LRP1B: variants seen among roughly 807,000 people sequenced by gnomAD.
LRP1B encodes LDL receptor related protein 1B.
In LRP1B, 217 loss-of-function variants were observed where a neutral mutation model predicts 556.6. That is an observed-to-expected ratio of 0.39 (90% CI 0.35 to 0.44). The LOEUF (loss-of-function observed/expected upper bound fraction) is 0.44, where lower values mean the gene tolerates loss of function less well. Among genes scored for constraint, LRP1B ranks in the 20% least tolerant of loss-of-function variants. The pLI is 1.00. For missense variants in LRP1B, 5,053 were observed against 5,620.8 expected (o/e 0.90, Z 3.23); for synonymous variants, 2,047 against 1,865.8 (o/e 1.10, Z -2.50).
At chr2:140,271,239 CTG>C (rs1432947365) in intron 85 of LRP1B, among the ~76,000 whole-genome samples, 2 of 151,954 alleles carry the variant, frequency 1.3e-5, no homozygotes, top group African/African-American at 4.8e-5. Flanking sequence ...GGGACCTACT[CTG>C]TGGGTCAAAA....
intron 2 of LRP1B, among the ~76,000 whole-genome samples, chr2:141,587,498 A>G (rs1400424630): frequency 1.3e-5 from 2 of 152,240 alleles, no homozygotes. Context: ...TACACCAAAT[A>G]GAGAGTGACT....
At chr2:140,837,204 G>T (rs1484675127) in intron 31 of LRP1B, among the ~76,000 whole-genome samples, 1 of 152,136 alleles carries the variant, frequency 6.6e-6, no homozygotes, top group African/African-American at 2.4e-5. Flanking sequence ...TATAAAAGAA[G>T]AGATTTTGTC....
chr2:142,003,841 A>G (rs924867091), intron 1 of LRP1B, among the ~76,000 whole-genome samples: 2 of 152,222 alleles, frequency 1.3e-5, no homozygotes, highest in Non-Finnish European at 2.9e-5. Flanking sequence ...TCTTATGAAC[A>G]TGGGCTCTGC....
At chr2:140,334,674 T>C in intron 78 of LRP1B, 115 bp from the exon 79 acceptor site, 1 of 543,150 alleles carries the variant, frequency 1.8e-6, no homozygotes, top group East Asian at 3.2e-5. Context: ...CCAGAGTCTC[T>C]TAAAAAGAGT....
At chr2:141,701,733 C>G (rs184277923) in intron 2 of LRP1B, among the ~76,000 whole-genome samples, 1 of 151,994 alleles carries the variant, frequency 6.6e-6, no homozygotes, top group Admixed American at 6.6e-5. Flanking sequence ...TGCCCTAAGA[C>G]AGTCTTCTCA....
intron 35 of LRP1B, among the ~76,000 whole-genome samples, chr2:140,720,299 G>T (rs1687355151): frequency 6.6e-6 from 1 of 151,652 alleles, no homozygotes; most frequent in Admixed American, 6.6e-5. Flanking sequence ...ATGGTAATTT[G>T]GTAATGTATA....
At chr2:141,789,982 C>T (rs544787719) in intron 2 of LRP1B, among the ~76,000 whole-genome samples, 1 of 151,916 alleles carries the variant, frequency 6.6e-6, no homozygotes, top group African/African-American at 2.4e-5. Flanking sequence ...AGTTGAATGG[C>T]TAAGGTCCAT....
chr2:140,902,818 A>C, intron 23 of LRP1B, 102 bp downstream of exon 23: 1 of 1,250,462 alleles, frequency 8.0e-7, no homozygotes, highest in African/African-American at 1.5e-5. Flanking sequence ...CTTTATCTAA[A>C]ATGAGTTGAA....
At chr2:141,104,505 C>A (rs921309547) in intron 7 of LRP1B, among the ~76,000 whole-genome samples, 2 of 151,936 alleles carry the variant, frequency 1.3e-5, no homozygotes, top group African/African-American at 4.8e-5. Flanking sequence ...TGACTTAATG[C>A]CTGTTGACTT....
intron 3 of LRP1B, among the ~76,000 whole-genome samples, chr2:141,388,543 C>T (rs1472892222): frequency 2.0e-5 from 3 of 152,072 alleles, no homozygotes; most frequent in Non-Finnish European, 4.4e-5. Context: ...AAACCCACAG[C>T]TAACATAACT....
chr2:141,499,671 C>A (rs1046588725), intron 2 of LRP1B, among the ~76,000 whole-genome samples: 11 of 151,814 alleles, frequency 7.2e-5, no homozygotes, highest in African/African-American at 2.2e-4. Flanking sequence ...AGATTGAAAA[C>A]ATAGTTAATA....
intron 1 of LRP1B, among the ~76,000 whole-genome samples, chr2:141,874,586 T>A (rs1698696567): frequency 6.6e-6 from 1 of 151,922 alleles, no homozygotes; most frequent in Non-Finnish European, 1.5e-5. Flanking sequence ...GAGAAATAAA[T>A]GTTTTGAGAA....
intron 51 of LRP1B, among the ~76,000 whole-genome samples, chr2:140,511,260 A>G (rs1370846541): frequency 6.9e-6 from 1 of 144,970 alleles, no homozygotes; most frequent in African/African-American, 2.6e-5. Context: ...TATGGTAAGC[A>G]GTGGGGTATC....
At chr2:140,617,520 G>C (rs1182021692) in intron 41 of LRP1B, among the ~76,000 whole-genome samples, 1 of 151,718 alleles carries the variant, frequency 6.6e-6, no homozygotes, top group African/African-American at 2.4e-5. Flanking sequence ...TTGATGCTAG[G>C]GATATTTCTT....
At chr2:141,209,160 G>A (rs1468655976) in intron 6 of LRP1B, among the ~76,000 whole-genome samples, 1 of 152,122 alleles carries the variant, frequency 6.6e-6, no homozygotes, top group Non-Finnish European at 1.5e-5. Context: ...GTTTGGTTCT[G>A]TGTCCCCACC....
chr2:140,803,829 GT>G (rs1690610053), intron 32 of LRP1B, among the ~76,000 whole-genome samples: 1 of 151,652 alleles, frequency 6.6e-6, no homozygotes, highest in African/African-American at 2.4e-5. Context: ...TTGAAAGTTT[GT>G]TTTCTCTCAT....
rs767797300 is a variant in LRP1B, at chr2:141,015,830, G to A, written c.2056C>T (p.Arg686Trp). 14 of 1,613,376 alleles carry A rather than the reference G, an allele frequency of 8.7e-6. No homozygotes were observed. The highest frequency in any genetic ancestry group is 2.7e-5 in the African/African-American group (2 of 74,854). The change falls in exon 13 of 91, where the codon CGG becomes TGG. Residue 686 changes from arginine (R) to tryptophan (W), a missense_variant. Transcript: ENST00000389484. Reference protein sequence around the residue: ...IEKAWMDGFNRQIFVTSKMLW... With the variant: ...IEKAWMDGFNWQIFVTSKMLW... Reference sequence around the variant, plus strand: ...ATCTTTGAAGTCACAAAAATCTGCCGATTGAATCCATCCATCCAGGCCTTC... The same window carrying A: ...ATCTTTGAAGTCACAAAAATCTGCCAATTGAATCCATCCATCCAGGCCTTC...
intron 1 of LRP1B, among the ~76,000 whole-genome samples, chr2:141,923,688 C>G (rs1700260477): frequency 6.6e-6 from 1 of 150,850 alleles, no homozygotes; most frequent in South Asian, 2.1e-4. Context: ...TAAGATCTCC[C>G]TTGATGATAT....
At chr2:141,041,820 T>C (rs927728986) in intron 11 of LRP1B, among the ~76,000 whole-genome samples, 16 of 22,440 alleles carry the variant, frequency 7.1e-4, no homozygotes, top group East Asian at 0.17. Flanking sequence ...TGTTATATCA[T>C]GTATGTATGT....
Sources: allele counts gnomAD v4.1 joint callset (sites outside exome capture counted in the v4.1 genomes callset), GRCh38; gene constraint gnomAD v4.1.1; transcripts MANE v1.5; gene names NCBI Gene and HGNC (gene_info 2026-07-23, HGNC 2026-07-21).